Variants in TRAP1 observed in about 807,000 individuals in gnomAD.
The protein encoded by TRAP1 is heat shock protein 75 kDa, mitochondrial.
TRAP1 carries 102 observed loss-of-function variants against 89.1 expected under a neutral mutation model. That is an observed-to-expected ratio of 1.15 (90% CI 0.98 to 1.35). TRAP1 has a LOEUF of 1.35. Ranked by LOEUF, TRAP1 falls within the 40% of genes most tolerant of loss-of-function variation. The pLI is 0.00. For missense variants in TRAP1, 1,256 were observed against 945.3 expected, an observed-to-expected ratio of 1.33 and a Z score of -4.31; for synonymous variants, 508 against 388.0, an observed-to-expected ratio of 1.31 and a Z score of -3.64.
Position 3,663,522 on chromosome 16 carries a change from A to G in TRAP1, c.1610T>C (p.Leu537Pro). The change falls in exon 14 of 18, where the codon CTG becomes CCG. Residue 537 changes from leucine (L) to proline (P), a missense_variant. Physicochemically the swap from Leu to Pro is moderately conservative, Grantham distance 98. Coordinates refer to ENST00000246957, the MANE Select transcript of TRAP1 (RefSeq NM_016292.3). Reference sequence around the variant, plus strand: ...CTTCTTGTCAAACTCACGAAGGTGCAGCAGGGTGAGCTCATCAAACTGCTC... The same window carrying G: ...CTTCTTGTCAAACTCACGAAGGTGCGGCAGGGTGAGCTCATCAAACTGCTC... ...CFEQFDELTL[L>P]HLREFDKKKL... The G allele has an allele frequency of 6.2e-7, 1 of 1,614,146 alleles. No individual in the cohort carries two copies. The highest frequency in any genetic ancestry group is 1.1e-5 in the South Asian group (1 of 91,074).
At chr16:3,662,726 G>T (rs111945995) in intron 15 of TRAP1, 156 bp downstream of exon 15, 2 of 730,622 alleles carry the variant, frequency 2.7e-6, no homozygotes, top group South Asian at 1.5e-5. Flanking sequence ...CGAGCAACAC[G>T]TGCCGAGCAG....
chr16:3,703,526 T>C (rs548528222), intron 1 of TRAP1, among the ~76,000 whole-genome samples: 10 of 152,062 alleles, frequency 6.6e-5, no homozygotes, highest in African/African-American at 1.7e-4. Context: ...CATGCATGCA[T>C]AGCTATTCTC....
At chr16:3,699,629 CAAAAAAAA>C (rs35602361) in intron 1 of TRAP1, among the ~76,000 whole-genome samples, 2 of 72,068 alleles carry the variant, frequency 2.8e-5, no homozygotes, top group African/African-American at 1.0e-4. Flanking sequence ...AACTCCGTCT[CAAAAAAAA>C]AAAAAAAAAA....
intron 1 of TRAP1, among the ~76,000 whole-genome samples, chr16:3,706,278 T>C (rs1325395563): frequency 6.6e-6 from 1 of 151,874 alleles, no homozygotes; most frequent in African/African-American, 2.4e-5. Flanking sequence ...TTACTGTAAC[T>C]TTTGTTTTGG....
At chr16:3,694,765 ACTGTACCCGGCCTT>A (rs2051263865) in intron 1 of TRAP1, among the ~76,000 whole-genome samples, 1 of 152,178 alleles carries the variant, frequency 6.6e-6, no homozygotes, top group African/African-American at 2.4e-5. Flanking sequence ...GGTATGAGCC[ACTGTACCCGGCCTT>A]CAAACCCCAC....
At position 3,712,815 on chromosome 16, in the gene TRAP1, C is replaced by T. The variant is rs2051549735; in HGVS notation, c.88+4606G>A. On this transcript the variant is annotated intron_variant, in intron 1 of 17. Transcript: ENST00000246957. ...ATTTTTAGTAGAGACGGGGTTTCGC[C>T]ATGTTGGCCAGGTTGGTCTCAAATT... Among the ~76,000 whole-genome samples, 2 of 152,210 alleles carry T rather than the reference C, an allele frequency of 1.3e-5. 1 individual carries two copies. Among genetic ancestry groups the T allele is most frequent in the South Asian group, 4.1e-4 (2 of 4,830 alleles).
chr16:3,664,244 C>G (rs556749922), intron 13 of TRAP1, 30 bp downstream of exon 13: 6 of 1,523,838 alleles, frequency 3.9e-6, no homozygotes, highest in South Asian at 3.8e-5. Flanking sequence ...TTGCAGCCCC[C>G]GGAGCCCGCC....
At chr16:3,692,960 G>C (rs1016566714) in intron 1 of TRAP1, among the ~76,000 whole-genome samples, 1 of 146,662 alleles carries the variant, frequency 6.8e-6, no homozygotes, top group Non-Finnish European at 1.5e-5. Flanking sequence ...CTGGCCTTTT[G>C]TTTTTGTTTT....
chr16:3,700,553 G>A (rs2051351764), intron 1 of TRAP1, among the ~76,000 whole-genome samples: 1 of 151,780 alleles, frequency 6.6e-6, no homozygotes, highest in African/African-American at 2.4e-5. Context: ...TGCAAACTCC[G>A]CCTCCCAGTT....
intron 1 of TRAP1, among the ~76,000 whole-genome samples, chr16:3,714,125 GCTC>G (rs769365314): frequency 9.9e-5 from 15 of 152,000 alleles, no homozygotes; most frequent in African/African-American, 3.1e-4. Flanking sequence ...GGCCCAAATC[GCTC>G]CTCATCTGTG....
chr16:3,666,242 AT>A (rs2050827228), intron 11 of TRAP1, 124 bp from the exon 12 acceptor site: 3 of 1,238,866 alleles, frequency 2.4e-6, no homozygotes, highest in Admixed American at 5.3e-5. Flanking sequence ...AGGTACCGTT[AT>A]TGGCCAAACT....
chr16:3,664,278 GTGTC>G lies in TRAP1; in HGVS notation c.1561_1564del (p.Asp521GlnfsTer26), dbSNP rs2050771680. 1 of 1,591,252 alleles carries G rather than the reference GTGTC, an allele frequency of 6.3e-7. No homozygotes were observed. The highest frequency in any genetic ancestry group is 8.5e-7 in the Non-Finnish European group (1 of 1,170,400). On this transcript the variant is annotated frameshift_variant, in exon 13 of 18. Transcript: ENST00000246957. LOFTEE classifies it high-confidence loss of function. ...CCCCACCCACCGCTCACCCACCTCT[GTGTC>G]TTTCTTCTTCATGGCCTCATAGTAG...
At chr16:3,663,156 T>C (rs2043178326) in intron 14 of TRAP1, 189 bp from the exon 15 acceptor site, 1 of 658,530 alleles carries the variant, frequency 1.5e-6, no homozygotes, top group South Asian at 2.0e-5. Flanking sequence ...CCCATACAAC[T>C]TGGTTAGGGC....
intron 1 of TRAP1, among the ~76,000 whole-genome samples, chr16:3,698,586 G>T (rs532066673): frequency 6.6e-6 from 1 of 151,122 alleles, no homozygotes; most frequent in African/African-American, 2.4e-5. Context: ...ACAGGCGTGA[G>T]CCACCGCGCC....
In TRAP1 at chr16:3,658,114, C is replaced by T; in HGVS notation, c.*15G>A. The T allele has an allele frequency of 1.4e-5, 23 of 1,613,600 alleles. No homozygotes were observed. The highest frequency in any genetic ancestry group is 1.9e-5 in the Non-Finnish European group (23 of 1,179,590). The stretch of plus-strand genomic sequence containing the variant: ...GCTGTCATCTGTGGTGTCAGTCCTT[C>T]TGGCCCCCTGGCTGTCAGTGTCGCT... On this transcript the variant is annotated 3_prime_UTR_variant, in exon 18 of 18. Coordinates refer to ENST00000246957, the MANE Select transcript of TRAP1 (RefSeq NM_016292.3).
chr16:3,707,786 G>C (rs1022886233), intron 1 of TRAP1, among the ~76,000 whole-genome samples: 2 of 149,796 alleles, frequency 1.3e-5, no homozygotes, highest in Non-Finnish European at 3.0e-5. Flanking sequence ...CTCGGGAAGC[G>C]AAGGCTGCAG....
At chr16:3,711,046 A>G (rs901310910) in intron 1 of TRAP1, among the ~76,000 whole-genome samples, 11 of 146,884 alleles carry the variant, frequency 7.5e-5, no homozygotes, top group Non-Finnish European at 1.5e-4. Flanking sequence ...AAAAAAAAAA[A>G]GGGTTTTTTG....
intron 1 of TRAP1, among the ~76,000 whole-genome samples, chr16:3,700,822 T>C (rs1046722223): frequency 6.6e-6 from 1 of 152,190 alleles, no homozygotes; most frequent in East Asian, 1.9e-4. Flanking sequence ...CAAAGAAGAA[T>C]AGCTTTAAAA....
At chr16:3,687,969 G>A (rs145449306) in intron 3 of TRAP1, among the ~76,000 whole-genome samples, 116 of 152,120 alleles carry the variant, frequency 7.6e-4, no homozygotes, top group African/African-American at 2.7e-3. Flanking sequence ...GGAAGCTGGA[G>A]GTCACTGGGA....
Sources: allele counts gnomAD v4.1 joint callset (sites outside exome capture counted in the v4.1 genomes callset), GRCh38; gene constraint gnomAD v4.1.1; transcripts MANE v1.5; gene names NCBI Gene and HGNC (gene_info 2026-07-23, HGNC 2026-07-21).